The following PACS2 variants were observed in gnomAD, a reference collection of about 807,000 sequenced individuals.
PACS2 encodes phosphofurin acidic cluster sorting protein 2.
Under a neutral mutation model 113.0 loss-of-function variants are expected in PACS2, and 36 were observed. The ratio of observed to expected loss-of-function variants is 0.32; its 90% CI spans 0.24 to 0.42. The LOEUF is 0.42. Ranked by LOEUF, PACS2 falls within the 10% of genes least tolerant of loss-of-function variation. PACS2 has a pLI of 1.00. For missense variants in PACS2, 1,015 were observed against 1,239.5 expected (o/e 0.82, Z 2.72); for synonymous variants, 589 against 536.1 (o/e 1.10, Z -1.36).
intron 18 of PACS2, among the ~76,000 whole-genome samples, chr14:105,385,272 G>A (rs2081136231): frequency 6.6e-6 from 1 of 152,248 alleles, no homozygotes; most frequent in African/African-American, 2.4e-5. Context: ...ATGGGGCCAG[G>A]GTGGCAGTGG....
In PACS2 at chr14:105,381,975, G is replaced by A; in HGVS notation, c.1330G>A (p.Ala444Thr). Residue 444 changes from alanine (A) to threonine (T), a missense_variant, in exon 13 of 25, where the codon GCA (alanine) becomes ACA (threonine). Coordinates refer to ENST00000447393, the MANE Select transcript of PACS2 (RefSeq NM_001100913.3). ...RSTSLKERQA[A>T]RPQNERANSL... ...CACATCCTTGAAGGAGCGGCAGGCAGCACGGCCCCAGAATGAGCGGGCCAA... is the reference window on the plus strand; with the variant it reads ...CACATCCTTGAAGGAGCGGCAGGCAACACGGCCCCAGAATGAGCGGGCCAA... 1 of 1,550,296 alleles carries A rather than the reference G, an allele frequency of 6.5e-7. No homozygotes were observed. Among genetic ancestry groups the A allele is most frequent in the Non-Finnish European group, 8.7e-7 (1 of 1,147,070 alleles).
At chr14:105,373,303 A>G (rs1566952152) in intron 8 of PACS2, among the ~76,000 whole-genome samples, 1 of 152,250 alleles carries the variant, frequency 6.6e-6, no homozygotes, top group Non-Finnish European at 1.5e-5. Flanking sequence ...TATACTTCCC[A>G]ATTTCAAAAT....
intron 1 of PACS2, among the ~76,000 whole-genome samples, chr14:105,339,458 A>T (rs762305283): frequency 1.3e-5 from 2 of 150,900 alleles, no homozygotes; most frequent in Non-Finnish European, 2.9e-5. Context: ...GTGAGCTGAG[A>T]TCATGCCATT....
intron 7 of PACS2, among the ~76,000 whole-genome samples, chr14:105,369,155 T>G (rs587607182): frequency 2.1e-4 from 32 of 152,338 alleles, no homozygotes; most frequent in Middle Eastern, 3.4e-3. Flanking sequence ...CACCGCCGCC[T>G]CCTCTGGCAG....
chr14:105,360,595 G>A (rs1555406244), intron 4 of PACS2, among the ~76,000 whole-genome samples: 1 of 152,052 alleles, frequency 6.6e-6, no homozygotes, highest in Non-Finnish European at 1.5e-5. Context: ...AGCCTTCGGG[G>A]AGTTGTAACC....
intron 1 of PACS2, among the ~76,000 whole-genome samples, chr14:105,307,497 C>G (rs367552236): frequency 6.7e-4 from 102 of 152,332 alleles, no homozygotes; most frequent in African/African-American, 2.4e-3. Context: ...CCACGTGCCC[C>G]TCCTCCTGGG....
intron 19 of PACS2, chr14:105,389,744 G>A (rs2081293626): frequency 6.7e-6 from 4 of 599,536 alleles, no homozygotes; most frequent in Non-Finnish European, 1.2e-5. Context: ...CAGCATGTCA[G>A]AAGGGGCCCA....
chr14:105,369,657 G>A (rs587601562), intron 7 of PACS2, among the ~76,000 whole-genome samples, 184 bp from the exon 8 acceptor site: 23 of 152,348 alleles, frequency 1.5e-4, no homozygotes, highest in African/African-American at 5.5e-4. Context: ...GAATGGAACT[G>A]TCAGACCTCA....
chr14:105,392,724 C>A lies in PACS2; in HGVS notation c.2361C>A (p.Thr787=). 1 of 1,612,942 alleles carries A rather than the reference C, an allele frequency of 6.2e-7. No homozygotes were observed. The highest frequency in any genetic ancestry group is 8.5e-7 in the Non-Finnish European group (1 of 1,180,008). ...RDAEKKDLPV[T]KNTLKCTFRS... The stretch of plus-strand genomic sequence containing the variant: ...CCGAGAAGAAGGACCTGCCTGTCAC[C>A]AAAAACACGCTCAAGTGCACTTTCC... Residue 787 remains threonine (T), a synonymous_variant, in exon 23 of 25, where the codon ACC becomes ACA. Transcript: ENST00000447393.
chr14:105,369,592 G>A (rs1202007670), intron 7 of PACS2, among the ~76,000 whole-genome samples: 1 of 152,194 alleles, frequency 6.6e-6, no homozygotes, highest in Non-Finnish European at 1.5e-5. Context: ...GGCTGCAGAG[G>A]CTTCTGGAAG....
At chr14:105,320,310 A>G (rs2058839747) in intron 1 of PACS2, among the ~76,000 whole-genome samples, 1 of 152,198 alleles carries the variant, frequency 6.6e-6, no homozygotes, top group Non-Finnish European at 1.5e-5. Context: ...CTATTCCTGG[A>G]AAAATACTAG....
chr14:105,364,275 C>T (rs1421834505), intron 4 of PACS2, among the ~76,000 whole-genome samples: 2 of 148,066 alleles, frequency 1.4e-5, no homozygotes, highest in African/African-American at 2.6e-5. Context: ...AGCCCGGGTG[C>T]GCGGTGGGCG....
chr14:105,327,088 A>G (rs61416799), intron 1 of PACS2, among the ~76,000 whole-genome samples: 5,924 of 152,298 alleles, frequency 0.039, 382 homozygotes, highest in African/African-American at 0.13. Context: ...TACAGCACCT[A>G]TCAGGTCCAG....
In PACS2 at chr14:105,396,480, GC is replaced by G. The variant is rs1395053125; in HGVS notation, c.*1809del. 4 of 151,576 alleles carry G rather than the reference GC, an allele frequency of 2.6e-5. No individual in the cohort carries two copies. The highest frequency in any genetic ancestry group is 9.8e-5 in the African/African-American group (4 of 40,770). 9.4% of individuals were successfully genotyped at this position (151,576 alleles called of 1,614,324 possible). A position where few individuals can be genotyped will look rare whatever the true frequency, so the allele number is the denominator to read the frequency against. The stretch of plus-strand genomic sequence containing the variant: ...TGGGCTGCAGAGCATCTGTTTTTCT[GC>G]TCTCCAGTTTCTTTTCTTTTTTTTT... On this transcript the variant is annotated 3_prime_UTR_variant, in exon 25 of 25. Transcript: ENST00000447393.
At chr14:105,383,925 G>A (rs782674564) in intron 16 of PACS2, 8 of 268,168 alleles carry the variant, frequency 3.0e-5, no homozygotes, top group East Asian at 9.7e-5. Context: ...GTCCTGTGTC[G>A]TCGAACTCCA....
intron 9 of PACS2, among the ~76,000 whole-genome samples, chr14:105,378,145 G>A (rs965508431): frequency 2.0e-5 from 3 of 152,236 alleles, no homozygotes; most frequent in Non-Finnish European, 4.4e-5. Flanking sequence ...GCCTTCAGCC[G>A]GAGAAAGTTT....
At chr14:105,326,922 G>T (rs1237783209) in intron 1 of PACS2, among the ~76,000 whole-genome samples, 1 of 152,194 alleles carries the variant, frequency 6.6e-6, no homozygotes, top group Non-Finnish European at 1.5e-5. Flanking sequence ...GCAGTTTCCA[G>T]CTTGGCCCTG....
In PACS2 at chr14:105,381,049, G is replaced by A. The variant is rs782790557; in HGVS notation, c.1218G>A (p.Pro406=). 1.6e-5 allele frequency: 25 copies of A among 1,612,186 alleles called. No homozygotes were observed. The highest frequency in any genetic ancestry group is 1.6e-5 in the Non-Finnish European group (19 of 1,179,646). The part of the protein sequence containing the change: ...STLDVFTERL[P]PSGRITKTES... ...TGGATGTGTTCACGGAGAGGCTGCC[G>A]CCCAGCGGGAGGATCACCAAGACAG... Residue 406 remains proline, a synonymous_variant, in exon 12 of 25, where the codon CCG becomes CCA. Transcript: ENST00000447393.
chr14:105,339,462 T>C (rs1398820215), intron 1 of PACS2, among the ~76,000 whole-genome samples: 4 of 148,826 alleles, frequency 2.7e-5, no homozygotes, highest in Admixed American at 6.8e-5. Flanking sequence ...GCTGAGATCA[T>C]GCCATTGCAC....
Sources: gnomAD v4.1 joint callset for allele counts (sites outside exome capture counted in the v4.1 genomes callset) on GRCh38, gnomAD v4.1.1 for gene constraint, MANE v1.5 for transcripts, NCBI Gene and HGNC (gene_info 2026-07-23, HGNC 2026-07-21) for gene names.